CA12: variants seen among roughly 807,000 people sequenced by gnomAD.
CA12 encodes carbonic anhydrase 12, also known as carbonate dehydratase XII.
CA12 carries 36 observed loss-of-function variants against 46.8 expected under a neutral mutation model. The ratio of observed to expected loss-of-function variants is 0.77; its 90% confidence interval spans 0.59 to 1.02. CA12 has a LOEUF of 1.02. Among genes scored for constraint, CA12 ranks in the 50% least tolerant of loss-of-function variants. CA12 has a pLI of 0.00. For missense variants in CA12, 436 were observed against 451.4 expected (o/e 0.97, Z 0.31); for synonymous variants, 202 against 187.0 (o/e 1.08, Z -0.65).
chr15:63,376,307 C>G (rs1229859838), intron 1 of CA12, among the ~76,000 whole-genome samples: 1 of 152,146 alleles, frequency 6.6e-6, no homozygotes, highest in Non-Finnish European at 1.5e-5. Context: ...GCTCAAAACC[C>G]AAAAGCCATC....
chr15:63,355,645 G>C lies in CA12; in HGVS notation c.107-8936C>G, dbSNP rs1321446585. Among the ~76,000 whole-genome samples, 1 of 152,204 alleles carries C rather than the reference G, an allele frequency of 6.6e-6. No homozygotes were observed. The highest frequency in any genetic ancestry group is 1.9e-4 in the East Asian group (1 of 5,204). On this transcript the variant is annotated intron_variant, in intron 2 of 10. Transcript: ENST00000178638. This position sits in a 1 kb window ranked among gnomAD's most constrained non-coding sequence, Gnocchi z 4.1. ...GGCACACTGAAGTGTTCAACAAACAGCTCTTGAACTAAGCAACAAACAACA... is the reference window on the plus strand; with the variant it reads ...GGCACACTGAAGTGTTCAACAAACACCTCTTGAACTAAGCAACAAACAACA...
intron 1 of CA12, among the ~76,000 whole-genome samples, chr15:63,380,267 G>A (rs188583588): frequency 3.9e-5 from 6 of 152,290 alleles, no homozygotes; most frequent in Non-Finnish European, 8.8e-5. Context: ...AGGAGGGAAA[G>A]GGAGAGGGAA....
At chr15:63,359,775 G>A (rs893434610) in intron 2 of CA12, among the ~76,000 whole-genome samples, 1 of 152,108 alleles carries the variant, frequency 6.6e-6, no homozygotes, top group Admixed American at 6.6e-5. Context: ...TTTTAAACTT[G>A]ACCGCCACTC....
intron 2 of CA12, among the ~76,000 whole-genome samples, chr15:63,358,554 C>T (rs1414798962): frequency 6.6e-6 from 1 of 152,176 alleles, no homozygotes; most frequent in African/African-American, 2.4e-5. Context: ...AAAATGCTCC[C>T]TCTCCCCATC....
intron 2 of CA12, among the ~76,000 whole-genome samples, chr15:63,363,450 G>C (rs1395295105): frequency 6.6e-6 from 1 of 152,206 alleles, no homozygotes; most frequent in Non-Finnish European, 1.5e-5. Context: ...GCATCTATCT[G>C]CCTATGCAGC....
At chr15:63,369,529 A>C (rs2039475779) in intron 2 of CA12, among the ~76,000 whole-genome samples, 1 of 152,202 alleles carries the variant, frequency 6.6e-6, no homozygotes, top group South Asian at 2.1e-4. Context: ...ACTTGTTAAA[A>C]CAAATTTCTG....
intron 2 of CA12, among the ~76,000 whole-genome samples, chr15:63,360,482 C>T (rs1270598003): frequency 6.6e-6 from 1 of 152,194 alleles, no homozygotes; most frequent in Non-Finnish European, 1.5e-5. Flanking sequence ...TGTCTAGTGT[C>T]TCTGTTCACA....
rs556789364 is a variant in CA12 at position 63,367,094 on chromosome 15, T to C, written c.106+8564A>G. Reference sequence around the variant, plus strand: ...TGCCACAATGCCTGGCTAATTTTTGTATTTTTAGTAGAGATAGGGTTTCAC... The same window carrying C: ...TGCCACAATGCCTGGCTAATTTTTGCATTTTTAGTAGAGATAGGGTTTCAC... On this transcript the variant is annotated intron_variant, in intron 2 of 10. Coordinates refer to ENST00000178638, the MANE Select transcript of CA12 (RefSeq NM_001218.5). 9.2e-5 allele frequency among the ~76,000 whole-genome samples: 14 copies of C among 152,098 alleles called. No homozygotes were observed. The East Asian group carries it at 2.7e-3, about 29-fold the overall frequency.
rs71394513 is a variant in CA12 at position 63,342,288 on chromosome 15, T to C, written c.430-191A>G. On this transcript the variant is annotated intron_variant, in intron 4 of 10. Transcript: ENST00000178638. ...ACATGTGCCCAAGGTGGTCAGGGCA[T>C]GGCTTGTTTTGATACATTTTAGAGA... 0.045 allele frequency among the ~76,000 whole-genome samples: 6,810 copies of C among 152,278 alleles called. 199 individuals carry two copies. Among genetic ancestry groups the C allele is most frequent in the Middle Eastern group, 0.065 (19 of 294 alleles).
At chr15:63,337,476 A>T (rs1484293945) in intron 8 of CA12, among the ~76,000 whole-genome samples, 2 of 152,128 alleles carry the variant, frequency 1.3e-5, no homozygotes, top group Non-Finnish European at 2.9e-5. Flanking sequence ...TTTTTTTTTG[A>T]GACGGAGTCT....
Position 63,374,237 on chromosome 15 carries a change from GC to G in CA12, c.106+1420del. 6.6e-6 allele frequency among the ~76,000 whole-genome samples: 1 copy of G among 152,164 alleles called. No individual in the cohort carries two copies. Among genetic ancestry groups the G allele is most frequent in the South Asian group, 2.1e-4 (1 of 4,818 alleles). On this transcript the variant is annotated intron_variant, in intron 2 of 10. Transcript: ENST00000178638. The surrounding 1 kb of genome is among the most constrained non-coding windows in gnomAD (Gnocchi z 4.4). ...CTCCGCTATCAACCCTTCTCCACAT[GC>G]TTTCCTCGAACACCACCTTGCTCTT... is the stretch of plus-strand genomic sequence containing the variant.
chr15:63,346,410 G>GCC, intron 3 of CA12, 120 bp downstream of exon 3: 1 of 403,622 alleles, frequency 2.5e-6, no homozygotes, highest in Non-Finnish European at 5.1e-6. Context: ...CCCCCGCCCC[G>GCC]CCCCACCCCT....
rs375846720 is a variant in CA12, at chr15:63,330,763, C to T, written c.875-2633G>A. The stretch of plus-strand genomic sequence containing the variant: ...AGTCTGGCTTCCCCCGGTTATTACG[C>T]GGGGTTCCTGTTGGAGGTCCTGTAA... On this transcript the variant is annotated intron_variant, in intron 8 of 10. Coordinates refer to ENST00000178638, the MANE Select transcript of CA12 (RefSeq NM_001218.5). The surrounding 1 kb of genome is among the most constrained non-coding windows in gnomAD (Gnocchi z 4.0). Among the ~76,000 whole-genome samples the T allele has an allele frequency of 1.6e-4, 25 of 152,290 alleles. No individual in the cohort carries two copies. Among genetic ancestry groups the T allele is most frequent in the African/African-American group, 5.8e-4 (24 of 41,546 alleles).
At chr15:63,379,859 C>A (rs115255152) in intron 1 of CA12, among the ~76,000 whole-genome samples, 1 of 152,170 alleles carries the variant, frequency 6.6e-6, no homozygotes, top group African/African-American at 2.4e-5. Context: ...CCCAAAGCCA[C>A]GGCAACTAAG....
At chr15:63,371,171 T>C (rs957609452) in intron 2 of CA12, among the ~76,000 whole-genome samples, 1 of 152,160 alleles carries the variant, frequency 6.6e-6, no homozygotes, top group Admixed American at 6.5e-5. Context: ...AGAAAGTTCA[T>C]TACAGAAAAT....
intron 2 of CA12, among the ~76,000 whole-genome samples, chr15:63,347,065 C>T (rs1443358065): frequency 6.6e-6 from 1 of 152,242 alleles, no homozygotes; most frequent in Admixed American, 6.5e-5. Context: ...CCAGGAATTA[C>T]TCTGGGTCTT....
chr15:63,340,541 G>T lies in CA12; in HGVS notation c.590-96C>A. ...CGACTGAGCCTAGAAACATGAACTA[G>T]CCCCTTTCAGGGTCATCTAACCCCA... On this transcript the variant is annotated intron_variant, in intron 6 of 10. Transcript: ENST00000178638. This position sits in a 1 kb window ranked among gnomAD's most constrained non-coding sequence, Gnocchi z 4.4. 1.3e-6 allele frequency: 2 copies of T among 1,531,510 alleles called. No homozygotes were observed. The highest frequency in any genetic ancestry group is 1.8e-6 in the Non-Finnish European group (2 of 1,105,334). 94.9% of individuals were successfully genotyped at this position (1,531,510 alleles called of 1,614,324 possible).
rs999903896 is a variant in CA12, at chr15:63,375,761, G to T, written c.86-83C>A. ...CACTACAGATTTTGTTTTGATATGA[G>T]CGAAATTGAAAAGGAGGTCGATGCC... On this transcript the variant is annotated intron_variant, in intron 1 of 10. Coordinates refer to ENST00000178638, the MANE Select transcript of CA12 (RefSeq NM_001218.5). 2.8e-5 allele frequency: 28 copies of T among 999,198 alleles called. No individual in the cohort carries two copies. In the African/African-American group the frequency reaches 4.4e-4, roughly 16 times the overall value. 61.9% of individuals were successfully genotyped at this position (999,198 alleles called of 1,614,324 possible). A position where few individuals can be genotyped will look rare whatever the true frequency, so the allele number is the denominator to read the frequency against.
chr15:63,340,856 A>G lies in CA12; in HGVS notation c.526-73T>C, dbSNP rs1033121355. The G allele has an allele frequency of 1.5e-6, 2 of 1,313,352 alleles. No individual in the cohort carries two copies. The highest frequency in any genetic ancestry group is 1.4e-5 in the African/African-American group (1 of 69,016). The allele number at this position is 1,313,352 out of a possible 1,614,324, so 81.4% of individuals were successfully genotyped here. On this transcript the variant is annotated intron_variant, in intron 5 of 10. Coordinates refer to ENST00000178638, the MANE Select transcript of CA12 (RefSeq NM_001218.5). This position sits in a 1 kb window ranked among gnomAD's most constrained non-coding sequence, Gnocchi z 4.4. Reference sequence around the variant, plus strand: ...TGAGCCAGGATTGACGATTGCTATCAGAAGGGCAAAGCTGTGGGTATGTTG... The same window carrying G: ...TGAGCCAGGATTGACGATTGCTATCGGAAGGGCAAAGCTGTGGGTATGTTG...
Sources: allele counts gnomAD v4.1 joint callset (sites outside exome capture counted in the v4.1 genomes callset), GRCh38; gene constraint gnomAD v4.1.1; non-coding constraint Gnocchi (gnomAD v3.1); transcripts MANE v1.5; gene names NCBI Gene and HGNC (gene_info 2026-07-23, HGNC 2026-07-21).